Variants in LCORL observed in about 807,000 individuals in gnomAD.
LCORL encodes ligand-dependent nuclear receptor corepressor-like protein.
Under a neutral mutation model 141.8 loss-of-function variants are expected in LCORL, and 41 were observed. The observed-to-expected ratio is 0.29, with a 90% CI of 0.23 to 0.38. LCORL has a LOEUF of 0.38. Among genes scored for constraint, LCORL ranks in the 10% least tolerant of loss-of-function variants. LCORL has a pLI of 1.00. For missense variants in LCORL, 1,759 were observed against 2,035.0 expected (o/e 0.86, Z 2.61); for synonymous variants, 618 against 694.1 (o/e 0.89, Z 1.72).
At chr4:17,963,143 T>C (rs892439361) in intron 2 of LCORL, 94 bp from the exon 3 acceptor site, 1 of 571,478 alleles carries the variant, frequency 1.7e-6, no homozygotes, top group Non-Finnish European at 3.0e-6. Flanking sequence ...ATAATAATAA[T>C]TTTTAAAAAA....
At chr4:17,965,793 T>TA (rs1714747234) in intron 2 of LCORL, among the ~76,000 whole-genome samples, 1 of 152,250 alleles carries the variant, frequency 6.6e-6, no homozygotes, top group Admixed American at 6.5e-5. Flanking sequence ...TAGTAAAAAT[T>TA]AAAGCATGTG....
intron 4 of LCORL, among the ~76,000 whole-genome samples, chr4:17,941,152 A>G (rs565801233): frequency 6.6e-6 from 1 of 152,280 alleles, no homozygotes; most frequent in East Asian, 1.9e-4. Flanking sequence ...CGAGACGGGC[A>G]GATCACGAGG....
intron 6 of LCORL, among the ~76,000 whole-genome samples, chr4:17,878,578 T>A (rs1365219634): frequency 6.6e-6 from 1 of 151,356 alleles, no homozygotes; most frequent in Non-Finnish European, 1.5e-5. Context: ...TTCTGATACA[T>A]AATTATCAGT....
At chr4:18,003,479 T>C (rs1297159083) in intron 1 of LCORL, among the ~76,000 whole-genome samples, 13 of 152,214 alleles carry the variant, frequency 8.5e-5, no homozygotes, top group Admixed American at 8.5e-4. Context: ...AAATAGACTT[T>C]GTATTTGGTA....
chr4:17,881,698 G>T, intron 6 of LCORL: 1 of 934,202 alleles, frequency 1.1e-6, no homozygotes, highest in Non-Finnish European at 1.3e-6. Context: ...ATTTATTAAT[G>T]TAAATATAGT....
intron 1 of LCORL, among the ~76,000 whole-genome samples, chr4:18,015,738 T>C (rs549339585): frequency 7.3e-5 from 11 of 151,678 alleles, no homozygotes; most frequent in African/African-American, 1.9e-4. Flanking sequence ...AGGGAGAAGT[T>C]AGTGGTAAGA....
At chr4:17,926,912 T>C (rs552291773) in intron 4 of LCORL, among the ~76,000 whole-genome samples, 19 of 152,348 alleles carry the variant, frequency 1.2e-4, no homozygotes, top group Non-Finnish European at 2.1e-4. Context: ...GTTAAAGCCA[T>C]AGTTGCATTA....
chr4:17,843,024 A>ACAAG (rs1253038966), exon 8 of LCORL: 4 of 221,992 alleles, frequency 1.8e-5, no homozygotes, highest in African/African-American at 9.2e-5. Flanking sequence ...TCGTTTAATT[A>ACAAG]CAAGCTTCAT....
intron 5 of LCORL, among the ~76,000 whole-genome samples, chr4:17,892,204 T>C (rs915157630): frequency 2.3e-5 from 3 of 133,086 alleles, no homozygotes; most frequent in Non-Finnish European, 4.7e-5. Flanking sequence ...AGTATTTTTT[T>C]TTTTCTTTTT....
intron 1 of LCORL, among the ~76,000 whole-genome samples, chr4:18,001,664 T>C (rs1721985201): frequency 6.6e-6 from 1 of 152,176 alleles, no homozygotes; most frequent in Non-Finnish European, 1.5e-5. Context: ...TGGAAATCAG[T>C]ATGCAACTAT....
At chr4:17,932,690 T>C (rs867583544) in intron 4 of LCORL, among the ~76,000 whole-genome samples, 1 of 152,164 alleles carries the variant, frequency 6.6e-6, no homozygotes, top group Admixed American at 6.5e-5. Context: ...TTTTTGTAGA[T>C]AAAGTTTTAT....
intron 4 of LCORL, among the ~76,000 whole-genome samples, chr4:17,927,312 T>C (rs1445563367): frequency 5.3e-5 from 8 of 152,214 alleles, no homozygotes; most frequent in Non-Finnish European, 1.0e-4. Context: ...CGGAATGTCA[T>C]GGCCGGTTTG....
chr4:17,947,777 G>T (rs895544841), intron 4 of LCORL, among the ~76,000 whole-genome samples: 22 of 151,922 alleles, frequency 1.4e-4, no homozygotes, highest in African/African-American at 5.3e-4. Context: ...AATCAGAACA[G>T]ATACCCACGT....
intron 4 of LCORL, among the ~76,000 whole-genome samples, chr4:17,915,758 T>C (rs903701326): frequency 1.3e-5 from 2 of 152,196 alleles, no homozygotes; most frequent in African/African-American, 2.4e-5. Context: ...TCTAGGGAAA[T>C]ATCTAAGCAA....
At chr4:17,892,367 C>G (rs1389369281) in intron 5 of LCORL, among the ~76,000 whole-genome samples, 1 of 151,946 alleles carries the variant, frequency 6.6e-6, no homozygotes, top group Admixed American at 6.6e-5. Flanking sequence ...GGCCACCAAG[C>G]CCAGCTAATT....
At chr4:17,874,925 A>G in exon 7 of LCORL, 1 of 1,233,724 alleles carries the variant, frequency 8.1e-7, no homozygotes, top group Non-Finnish European at 1.0e-6. Context: ...TATGGAGCAG[A>G]GCGTTTCTAT....
intron 1 of LCORL, among the ~76,000 whole-genome samples, chr4:17,986,207 A>G (rs980084584): frequency 5.9e-5 from 9 of 152,124 alleles, no homozygotes; most frequent in African/African-American, 9.6e-5. Context: ...TTTCATTCCA[A>G]CCTTGGAAAA....
At chr4:18,007,379 A>T (rs181579979) in intron 1 of LCORL, among the ~76,000 whole-genome samples, 1 of 152,316 alleles carries the variant, frequency 6.6e-6, no homozygotes, top group African/African-American at 2.4e-5. Context: ...TTCATGATTC[A>T]ATTAAACAAA....
At chr4:17,967,401 A>G (rs1302944423) in intron 2 of LCORL, among the ~76,000 whole-genome samples, 1 of 152,108 alleles carries the variant, frequency 6.6e-6, no homozygotes, top group African/African-American at 2.4e-5. Flanking sequence ...CCTAATGTAA[A>G]CTGTGGAATT....
Sources: allele counts gnomAD v4.1 joint callset (sites outside exome capture counted in the v4.1 genomes callset), GRCh38; gene constraint gnomAD v4.1.1; transcripts MANE v1.5; gene names NCBI Gene and HGNC (gene_info 2026-07-23, HGNC 2026-07-21).